The following SRBD1 variants were observed in gnomAD, a reference collection of about 807,000 sequenced individuals.
SRBD1 encodes the protein S1 RNA-binding domain-containing protein 1.
A neutral mutation model predicts 115.3 loss-of-function variants in SRBD1; 88 were observed. That is an observed-to-expected ratio of 0.76 (90% CI 0.64 to 0.91). SRBD1 has a LOEUF of 0.91. Among genes scored for constraint, SRBD1 ranks in the 40% least tolerant of loss-of-function variants. SRBD1 has a pLI of 0.00. For synonymous variants in SRBD1, 509 were observed against 407.7 expected (o/e 1.25, Z -2.99); for missense variants, 1,385 against 1,177.4 (o/e 1.18, Z -2.58).
At chr2:45,609,095 T>C (rs1019407315) in intron 1 of SRBD1, among the ~76,000 whole-genome samples, 9 of 152,164 alleles carry the variant, frequency 5.9e-5, no homozygotes, top group Admixed American at 1.3e-4. Context: ...GTGTGAGCCA[T>C]GGCGCCTGGC....
intron 14 of SRBD1, among the ~76,000 whole-genome samples, chr2:45,538,652 T>C (rs1389947225): frequency 6.6e-6 from 1 of 152,180 alleles, no homozygotes; most frequent in Non-Finnish European, 1.5e-5. Context: ...CATGAGTTCA[T>C]CCAAACATGA....
chr2:45,496,618 T>C (rs1164082244), intron 14 of SRBD1, among the ~76,000 whole-genome samples: 2 of 152,192 alleles, frequency 1.3e-5, no homozygotes, highest in South Asian at 2.1e-4. Flanking sequence ...TATGCTTCTA[T>C]ACTGTACTGT....
chr2:45,485,764 G>A (rs371893237), intron 15 of SRBD1, among the ~76,000 whole-genome samples: 22 of 152,238 alleles, frequency 1.4e-4, no homozygotes, highest in African/African-American at 4.8e-4. Context: ...ATCCACACTC[G>A]TAGGTAGCTC....
chr2:45,551,190 C>A lies in SRBD1; in HGVS notation c.1610G>T (p.Arg537Leu). The change falls in exon 12 of 21, where the codon CGC becomes CTC. Residue 537 changes from arginine (R) to leucine (L), a missense_variant. Physicochemically the swap from Arg to Leu is moderately radical, Grantham distance 102 (BLOSUM62 -2). Transcript: ENST00000263736. ...QLLLTSPVPG[R>L]TLMGVDPGYK... ...ACCAGGATCCACTCCCATTAAGGTG[C>A]GCCCTGGAACAGGGCTTGTTAAAAG... 6.2e-7 allele frequency: 1 copy of A among 1,612,612 alleles called. No individual in the cohort carries two copies. The highest frequency in any genetic ancestry group is 8.5e-7 in the Non-Finnish European group (1 of 1,179,684).
At chr2:45,574,068 A>C (rs932837259) in intron 8 of SRBD1, among the ~76,000 whole-genome samples, 8 of 152,160 alleles carry the variant, frequency 5.3e-5, no homozygotes, top group African/African-American at 1.7e-4. Flanking sequence ...AATGATGCAT[A>C]AAATCCATAA....
chr2:45,576,787 T>A (rs571388404), intron 7 of SRBD1, among the ~76,000 whole-genome samples: 1 of 152,240 alleles, frequency 6.6e-6, no homozygotes, highest in African/African-American at 2.4e-5. Flanking sequence ...GGGTGATAAC[T>A]CAATAGTAAA....
At chr2:45,393,834 G>C (rs1667072592) in intron 19 of SRBD1, among the ~76,000 whole-genome samples, 1 of 152,146 alleles carries the variant, frequency 6.6e-6, no homozygotes, top group Non-Finnish European at 1.5e-5. Flanking sequence ...CTAACAAAAT[G>C]TGCATTACAT....
At chr2:45,576,641 A>G (rs529520200) in intron 7 of SRBD1, among the ~76,000 whole-genome samples, 1 of 152,330 alleles carries the variant, frequency 6.6e-6, no homozygotes, top group Admixed American at 6.5e-5. Flanking sequence ...CAGCTATAAC[A>G]CATAGAGCAC....
intron 14 of SRBD1, among the ~76,000 whole-genome samples, chr2:45,497,302 A>C (rs1353332196): frequency 6.6e-6 from 1 of 152,190 alleles, no homozygotes; most frequent in Admixed American, 6.5e-5. Flanking sequence ...GTTTATTTTT[A>C]CTGTCATTGC....
At chr2:45,570,686 G>A (rs1044924065) in intron 9 of SRBD1, among the ~76,000 whole-genome samples, 7 of 152,162 alleles carry the variant, frequency 4.6e-5, no homozygotes, top group African/African-American at 1.2e-4. Flanking sequence ...CACTTTTAAC[G>A]TACCCCAGTC....
rs747588903 is a variant in SRBD1, at chr2:45,389,261, A to G, written c.*49T>C. ...ACAAACAACTGACTTATCCTTGTCA[A>G]TCTGTGGAAATGAGAAAATAAAATC... On this transcript the variant is annotated 3_prime_UTR_variant, in exon 21 of 21. Transcript: ENST00000263736. 3.2e-6 allele frequency: 5 copies of G among 1,581,906 alleles called. No individual in the cohort carries two copies. In the East Asian group the frequency reaches 9.0e-5, roughly 28 times the overall value.
chr2:45,461,210 A>G (rs752755133), intron 16 of SRBD1, among the ~76,000 whole-genome samples: 3 of 152,230 alleles, frequency 2.0e-5, no homozygotes, highest in Non-Finnish European at 4.4e-5. Flanking sequence ...AAGCAGAGAT[A>G]AAATATAAAA....
At chr2:45,402,398 T>C (rs1005257601) in intron 19 of SRBD1, among the ~76,000 whole-genome samples, 2 of 152,178 alleles carry the variant, frequency 1.3e-5, no homozygotes, top group Non-Finnish European at 2.9e-5. Flanking sequence ...TCTGATACTT[T>C]TCAACATTGA....
At chr2:45,522,189 A>AT (rs113047819) in intron 14 of SRBD1, among the ~76,000 whole-genome samples, 2,059 of 147,658 alleles carry the variant, frequency 0.014, 52 homozygotes, top group African/African-American at 0.045. Context: ...AAAATCTGAA[A>AT]TTTTTTTTTT....
intron 14 of SRBD1, among the ~76,000 whole-genome samples, chr2:45,514,171 T>G (rs765717918): frequency 5.9e-5 from 9 of 152,200 alleles, no homozygotes; most frequent in Admixed American, 1.3e-4. Context: ...AAGAATTTAC[T>G]AAAATCTACT....
chr2:45,400,048 A>C (rs926778021), intron 19 of SRBD1, among the ~76,000 whole-genome samples: 1 of 152,214 alleles, frequency 6.6e-6, no homozygotes, highest in Non-Finnish European at 1.5e-5. Flanking sequence ...CCTTTTTACT[A>C]TAAATGCCAT....
intron 15 of SRBD1, among the ~76,000 whole-genome samples, chr2:45,486,346 A>G (rs1670118131): frequency 1.3e-5 from 2 of 152,188 alleles, no homozygotes; most frequent in Non-Finnish European, 2.9e-5. Context: ...AAATGAAAGT[A>G]CCCTTTTATC....
chr2:45,443,028 AG>A (rs1668717825), intron 16 of SRBD1, among the ~76,000 whole-genome samples: 1 of 152,228 alleles, frequency 6.6e-6, no homozygotes, highest in Non-Finnish European at 1.5e-5. Flanking sequence ...AAAAGGGGAA[AG>A]TACTAAGAAA....
At chr2:45,423,556 T>C (rs1257912747) in intron 16 of SRBD1, among the ~76,000 whole-genome samples, 1 of 151,944 alleles carries the variant, frequency 6.6e-6, no homozygotes, top group African/African-American at 2.4e-5. Flanking sequence ...CAATAAGTAA[T>C]CAAAACTCTC....
Sources: gnomAD v4.1 joint callset for allele counts (sites outside exome capture counted in the v4.1 genomes callset) on GRCh38, gnomAD v4.1.1 for gene constraint, MANE v1.5 for transcripts, NCBI Gene and HGNC (gene_info 2026-07-23, HGNC 2026-07-21) for gene names.